Variants in PSPH observed in about 807,000 individuals in gnomAD.
PSPH encodes phosphoserine phosphatase, also known as L-3-phosphoserine phosphatase.
PSPH carries 16 observed loss-of-function variants against 23.4 expected under a neutral mutation model. The ratio of observed to expected loss-of-function variants is 0.68; its 90% CI spans 0.46 to 1.04. PSPH has a LOEUF of 1.04. Among genes scored for constraint, PSPH ranks in the 50% least tolerant of loss-of-function variants. The pLI, the probability that PSPH is intolerant of heterozygous loss-of-function variation, is 0.00. For missense variants in PSPH, 223 were observed against 273.7 expected, an observed-to-expected ratio of 0.81 and a Z score of 1.31; for synonymous variants, 68 against 99.7, an observed-to-expected ratio of 0.68 and a Z score of 1.89.
chr7:56,031,004 G>T (rs1790904278), intron 3 of PSPH, among the ~76,000 whole-genome samples: 1 of 151,984 alleles, frequency 6.6e-6, no homozygotes, highest in Non-Finnish European at 1.5e-5. Flanking sequence ...GAGGTCAGGA[G>T]ATCGAGACCA....
intron 1 of PSPH, among the ~76,000 whole-genome samples, chr7:56,049,490 G>A (rs888893548): frequency 1.4e-4 from 22 of 152,282 alleles, no homozygotes; most frequent in Admixed American, 7.2e-4. Context: ...CCAGGCTGGA[G>A]TGCAGTAATG....
rs559630845 is a variant in PSPH, at chr7:56,033,596, TG to T, written c.-146+364del. ...ATTTATTTAATTCCCAACTTAAGGC[TG>T]TATCGTTATAACAATGTATCTGGTA... On this transcript the variant is annotated intron_variant, in intron 2 of 7. Transcript: ENST00000275605. 15 of 152,138 alleles carry T rather than the reference TG, an allele frequency of 9.9e-5. No individual in the cohort carries two copies. In the East Asian group the frequency reaches 2.5e-3, roughly 25 times the overall value. The allele number at this position is 152,138 out of a possible 1,614,324, so 9.4% of individuals were successfully genotyped here.
At chr7:56,022,088 G>T (rs1043294503) in intron 3 of PSPH, among the ~76,000 whole-genome samples, 2 of 152,174 alleles carry the variant, frequency 1.3e-5, no homozygotes, top group African/African-American at 4.8e-5. Context: ...ACTTTGGGAG[G>T]CTAAGGCAGG....
intron 3 of PSPH, among the ~76,000 whole-genome samples, chr7:56,028,919 A>G (rs1000965229): frequency 6.6e-6 from 1 of 151,920 alleles, no homozygotes; most frequent in Non-Finnish European, 1.5e-5. Flanking sequence ...CCCAGGTTCA[A>G]GCGATTCTCC....
intron 3 of PSPH, among the ~76,000 whole-genome samples, chr7:56,028,906 C>T (rs904000746): frequency 2.1e-4 from 32 of 152,114 alleles, no homozygotes; most frequent in African/African-American, 7.7e-4. Flanking sequence ...GCAACCTCCG[C>T]CTCCCAGGTT....
intron 1 of PSPH, among the ~76,000 whole-genome samples, chr7:56,046,642 G>T (rs1303907819): frequency 1.3e-5 from 2 of 151,974 alleles, no homozygotes; most frequent in Non-Finnish European, 2.9e-5. Context: ...AAATTAGCTG[G>T]GCATGGTGGC....
chr7:56,027,782 C>T (rs1218199786), intron 3 of PSPH, among the ~76,000 whole-genome samples: 3 of 147,830 alleles, frequency 2.0e-5, no homozygotes, highest in East Asian at 4.0e-4. Context: ...AGTGCAGTGG[C>T]TCACACTTGT....
chr7:56,017,178 GA>G, intron 6 of PSPH, 55 bp downstream of exon 6: 1 of 1,611,336 alleles, frequency 6.2e-7, no homozygotes, highest in African/African-American at 1.3e-5. Flanking sequence ...ACATTACCCA[GA>G]ATACTGAACA....
intron 2 of PSPH, 22 bp from the exon 3 acceptor site, chr7:56,032,076 A>G (rs577641667): frequency 6.6e-6 from 1 of 152,550 alleles, no homozygotes; most frequent in South Asian, 2.1e-4. Context: ...GAATGAGGAA[A>G]TGAACATCGA....
At chr7:56,040,037 T>G (rs1397835611) in intron 1 of PSPH, among the ~76,000 whole-genome samples, 2 of 151,616 alleles carry the variant, frequency 1.3e-5, no homozygotes, top group Admixed American at 6.6e-5. Context: ...AGGCAGAGCT[T>G]GCAGTGAGCT....
chr7:56,027,789 T>G (rs1298720001), intron 3 of PSPH, among the ~76,000 whole-genome samples: 7 of 147,680 alleles, frequency 4.7e-5, no homozygotes, highest in African/African-American at 1.8e-4. Flanking sequence ...TGGCTCACAC[T>G]TGTAATAATC....
At chr7:56,025,107 G>A (rs1790008636) in intron 3 of PSPH, among the ~76,000 whole-genome samples, 1 of 151,618 alleles carries the variant, frequency 6.6e-6, no homozygotes, top group Non-Finnish European at 1.5e-5. Flanking sequence ...CCCTACCAGA[G>A]CCACAGTACC....
chr7:56,048,680 C>T (rs970543826), intron 1 of PSPH, among the ~76,000 whole-genome samples: 2 of 152,000 alleles, frequency 1.3e-5, no homozygotes, highest in Non-Finnish European at 2.9e-5. Flanking sequence ...GTCGCCGAGA[C>T]TGGGAGTGCA....
At chr7:56,014,952 TAAAG>T (rs1384487707) in intron 7 of PSPH, 67 bp downstream of exon 7, 4 of 1,412,514 alleles carry the variant, frequency 2.8e-6, no homozygotes, top group Non-Finnish European at 2.8e-6. Flanking sequence ...TCAAAAAAAA[TAAAG>T]AAATAATAAA....
At chr7:56,020,624 C>CG (rs1160273802) in intron 4 of PSPH, among the ~76,000 whole-genome samples, 1 of 78,026 alleles carries the variant, frequency 1.3e-5, no homozygotes, top group Non-Finnish European at 2.0e-5. Context: ...GACTCCGTCT[C>CG]GAAAAAAAAA....
intron 1 of PSPH, among the ~76,000 whole-genome samples, chr7:56,040,878 A>G (rs78864849): frequency 0.045 from 6,779 of 152,006 alleles, 261 homozygotes; most frequent in East Asian, 0.2. Context: ...CAGAGCAGGG[A>G]TACAAAGAAC....
At chr7:56,042,479 T>G (rs1160338863) in intron 1 of PSPH, among the ~76,000 whole-genome samples, 2 of 151,844 alleles carry the variant, frequency 1.3e-5, no homozygotes, top group Non-Finnish European at 2.9e-5. Flanking sequence ...ACTGAAGCAC[T>G]GTCTCTACAA....
At chr7:56,030,246 A>AC (rs1790780286) in intron 3 of PSPH, among the ~76,000 whole-genome samples, 1 of 151,944 alleles carries the variant, frequency 6.6e-6, no homozygotes, top group Non-Finnish European at 1.5e-5. Flanking sequence ...AATAGCTGGG[A>AC]TCAGAAGTGT....
intron 1 of PSPH, among the ~76,000 whole-genome samples, chr7:56,042,690 A>G (rs995622440): frequency 9.9e-5 from 15 of 151,510 alleles, no homozygotes; most frequent in Non-Finnish European, 2.1e-4. Context: ...GAAGGAAAAC[A>G]CATAACTATC....
Sources: allele counts gnomAD v4.1 joint callset (sites outside exome capture counted in the v4.1 genomes callset), GRCh38; gene constraint gnomAD v4.1.1; transcripts MANE v1.5; gene names NCBI Gene and HGNC (gene_info 2026-07-23, HGNC 2026-07-21).